The following RNF38 variants were observed in gnomAD, a reference collection of about 807,000 sequenced individuals.
RNF38 encodes the protein E3 ubiquitin-protein ligase RNF38.
A neutral mutation model predicts 67.2 loss-of-function variants in RNF38; 15 were observed. The ratio of observed to expected loss-of-function variants is 0.22; its 90% confidence interval spans 0.15 to 0.34. The LOEUF (loss-of-function observed/expected upper bound fraction) is 0.34, where lower values mean the gene tolerates loss of function less well. Ranked by LOEUF, RNF38 falls within the 10% of genes least tolerant of loss-of-function variation. RNF38 has a pLI of 1.00. For missense variants in RNF38, 524 were observed against 639.9 expected (o/e 0.82, Z 1.95); for synonymous variants, 220 against 218.8 (o/e 1.01, Z -0.05).
intron 1 of RNF38, among the ~76,000 whole-genome samples, chr9:36,452,534 CTTT>C (rs748639616): frequency 2.1e-5 from 3 of 144,100 alleles, no homozygotes; most frequent in African/African-American, 5.1e-5. Flanking sequence ...CAAAATCTTG[CTTT>C]TTTTTTTTTT....
chr9:36,357,198 GA>G (rs1167829909), intron 5 of RNF38, among the ~76,000 whole-genome samples: 1 of 151,396 alleles, frequency 6.6e-6, no homozygotes. Context: ...TCAGAGGCAA[GA>G]AAAAAAAAGT....
intron 9 of RNF38, 57 bp from the exon 10 acceptor site, chr9:36,345,010 C>CTT: frequency 6.0e-5 from 77 of 1,283,030 alleles, no homozygotes; most frequent in South Asian, 1.3e-4. Flanking sequence ...CATTCCAATA[C>CTT]TTTTTTTTTT....
At chr9:36,348,315 C>A (rs911892152) in intron 9 of RNF38, among the ~76,000 whole-genome samples, 1 of 151,356 alleles carries the variant, frequency 6.6e-6, no homozygotes, top group Non-Finnish European at 1.5e-5. Flanking sequence ...AAAAAAAAAT[C>A]CACAAAAATT....
intron 2 of RNF38, among the ~76,000 whole-genome samples, chr9:36,388,322 C>A (rs1411852747): frequency 4.0e-5 from 6 of 151,690 alleles, no homozygotes; most frequent in Admixed American, 2.6e-4. Context: ...TATTATTTCA[C>A]AAAGCATGTA....
intron 1 of RNF38, among the ~76,000 whole-genome samples, chr9:36,446,222 C>T (rs1052751907): frequency 2.6e-5 from 4 of 152,164 alleles, no homozygotes; most frequent in African/African-American, 9.7e-5. Context: ...CAAGTACAAA[C>T]TCTGGGAATG....
upstream of RNF38, among the ~76,000 whole-genome samples, chr9:36,406,029 T>G (rs1838169814): frequency 6.6e-6 from 1 of 152,206 alleles, no homozygotes; most frequent in South Asian, 2.1e-4. Context: ...GCTGTCCTCC[T>G]TATCCCTCTA....
intron 4 of RNF38, among the ~76,000 whole-genome samples, chr9:36,366,719 A>G (rs937187027): frequency 2.0e-5 from 3 of 152,322 alleles, no homozygotes; most frequent in South Asian, 2.1e-4. Flanking sequence ...AGGTAGCAGG[A>G]AAGTGTTCAA....
At chr9:36,469,106 C>T (rs1263812234) in intron 1 of RNF38, among the ~76,000 whole-genome samples, 1 of 152,018 alleles carries the variant, frequency 6.6e-6, no homozygotes, top group African/African-American at 2.4e-5. Flanking sequence ...AGCAAGAGTC[C>T]ATCTCAAAAA....
chr9:36,388,414 A>C (rs1836807324), intron 2 of RNF38, among the ~76,000 whole-genome samples: 1 of 152,240 alleles, frequency 6.6e-6, no homozygotes, highest in Non-Finnish European at 1.5e-5. Flanking sequence ...AAATATGAGA[A>C]GCAAAATGTA....
chr9:36,401,189 G>T, upstream of RNF38: 1 of 982,530 alleles, frequency 1.0e-6, no homozygotes, highest in Non-Finnish European at 1.2e-6. Flanking sequence ...TTTCCACCCC[G>T]AGGGGGAAGG....
At chr9:36,380,185 C>T (rs183324958) in intron 2 of RNF38, among the ~76,000 whole-genome samples, 1 of 152,240 alleles carries the variant, frequency 6.6e-6, no homozygotes, top group Admixed American at 6.5e-5. Flanking sequence ...AAAATAATGG[C>T]TTAAATATAA....
At chr9:36,411,736 A>ATT (rs140450046) in intron 2 of RNF38, among the ~76,000 whole-genome samples, 45 of 143,078 alleles carry the variant, frequency 3.1e-4, no homozygotes, top group African/African-American at 1.1e-3. Flanking sequence ...TAACTTTTGT[A>ATT]TTTTTTTTTT....
chr9:36,456,348 T>C (rs7848806), intron 1 of RNF38, among the ~76,000 whole-genome samples: 256 of 152,320 alleles, frequency 1.7e-3, no homozygotes, highest in African/African-American at 6.0e-3. Flanking sequence ...TGAGCCACAG[T>C]AGCTGGTCTC....
At chr9:36,343,821 A>G (rs932429732) in intron 10 of RNF38, among the ~76,000 whole-genome samples, 2 of 152,172 alleles carry the variant, frequency 1.3e-5, no homozygotes, top group Non-Finnish European at 2.9e-5. Flanking sequence ...GTATGACCCC[A>G]TTTATGTGTA....
In RNF38 at chr9:36,376,079, A is replaced by C. The variant is rs904459306; in HGVS notation, c.211T>G (p.Phe71Val). ...GCTGGTGATGCTGATGTATAATCAA[A>C]GACTGAATGAGAGAGGCGCTGTCTC... ...PKRQRLSHSVFDYTSASPAPS... is the reference protein window; with the variant it reads ...PKRQRLSHSVVDYTSASPAPS... Residue 71 changes from phenylalanine (F) to valine (V), a missense_variant, in exon 3 of 12, where the codon TTT (phenylalanine) becomes GTT (valine). By Grantham distance (50) the Phe-to-Val change is conservative. Transcript: ENST00000259605. The C allele has an allele frequency of 1.9e-6, 3 of 1,611,102 alleles. No homozygotes were observed. In the African/African-American group the frequency reaches 4.0e-5, roughly 22 times the overall value.
chr9:36,467,725 A>C (rs1470647472), intron 1 of RNF38, among the ~76,000 whole-genome samples: 1 of 152,210 alleles, frequency 6.6e-6, no homozygotes, highest in Non-Finnish European at 1.5e-5. Context: ...TCACACAGGT[A>C]ATTTGTGGAC....
intron 1 of RNF38, among the ~76,000 whole-genome samples, chr9:36,444,263 C>T (rs976944776): frequency 7.9e-5 from 12 of 152,022 alleles, no homozygotes; most frequent in Non-Finnish European, 1.5e-4. Context: ...GAACAGTTCA[C>T]TGAAACCAAA....
At chr9:36,466,835 A>T (rs1320147906) in intron 1 of RNF38, among the ~76,000 whole-genome samples, 1 of 151,928 alleles carries the variant, frequency 6.6e-6, no homozygotes, top group Non-Finnish European at 1.5e-5. Context: ...TGCCATGTAT[A>T]TTTTTGTAAT....
intron 1 of RNF38, among the ~76,000 whole-genome samples, chr9:36,444,461 A>G (rs1839258275): frequency 6.6e-6 from 1 of 152,204 alleles, no homozygotes. Context: ...CTGGAACTTA[A>G]AAGCTGAAGA....
Sources: allele counts gnomAD v4.1 joint callset (sites outside exome capture counted in the v4.1 genomes callset), GRCh38; gene constraint gnomAD v4.1.1; transcripts MANE v1.5; gene names NCBI Gene and HGNC (gene_info 2026-07-23, HGNC 2026-07-21).